Variants in SPEG observed in about 807,000 individuals in gnomAD.
SPEG encodes the protein striated muscle preferentially expressed protein kinase.
A neutral mutation model predicts 300.4 loss-of-function variants in SPEG; 114 were observed. That is an observed-to-expected ratio of 0.38 (90% CI 0.33 to 0.44). The LOEUF is 0.44. SPEG is among the 20% of genes least tolerant of loss of function. The pLI, the probability that SPEG is intolerant of heterozygous loss-of-function variation, is 1.00. For synonymous variants in SPEG, 1,964 were observed against 2,018.9 expected (o/e 0.97, Z 0.73); for missense variants, 4,201 against 4,586.2 (o/e 0.92, Z 2.43).
At position 219,451,893 on chromosome 2, in the gene SPEG, T is replaced by C; in HGVS notation, c.2440+86T>C. On this transcript the variant is annotated intron_variant, in intron 6 of 40. Coordinates refer to ENST00000312358, the MANE Select transcript of SPEG (RefSeq NM_005876.5). This position sits in a 1 kb window ranked among gnomAD's most constrained non-coding sequence, Gnocchi z 6.4. ...GGCCCCAGTCCACCTCCCTTCCCAC[T>C]CTCAGCCTTGAGCTTGGGCACCCCG... 1 of 1,356,814 alleles carries C rather than the reference T, an allele frequency of 7.4e-7. No individual in the cohort carries two copies. 84.0% of individuals were successfully genotyped at this position (1,356,814 alleles called of 1,614,324 possible). A position where few individuals can be genotyped will look rare whatever the true frequency, so the allele number is the denominator to read the frequency against.
intron 30 of SPEG, 131 bp downstream of exon 30, chr2:219,485,203 G>C (rs1347491686): frequency 6.8e-7 from 1 of 1,480,396 alleles, no homozygotes; most frequent in East Asian, 2.3e-5. Context: ...GGAATCAGCA[G>C]GGCTGGAGGG....
chr2:219,441,103 A>T (rs146695284), intron 1 of SPEG, among the ~76,000 whole-genome samples: 1 of 152,354 alleles, frequency 6.6e-6, no homozygotes, highest in East Asian at 1.9e-4. Context: ...AGTGCCTGGC[A>T]CTTAGTAACT....
In SPEG at chr2:219,480,812, A is replaced by C. The variant is rs1272393415; in HGVS notation, c.5369+115A>C. The C allele has an allele frequency of 2.0e-6, 2 of 1,001,906 alleles. No homozygotes were observed. The highest frequency in any genetic ancestry group is 3.2e-6 in the Non-Finnish European group (2 of 634,356). The allele number at this position is 1,001,906 out of a possible 1,614,324, so 62.1% of individuals were successfully genotyped here. A position where few individuals can be genotyped will look rare whatever the true frequency, so the allele number is the denominator to read the frequency against. ...ACCCCCCACTCCTTCTTGCACTGCA[A>C]GGAGCCTCATGTGCATGAAGGTGGA... On this transcript the variant is annotated intron_variant, in intron 26 of 40. Transcript: ENST00000312358. This position sits in a 1 kb window ranked among gnomAD's most constrained non-coding sequence, Gnocchi z 5.3.
chr2:219,481,500 C>T lies in SPEG; in HGVS notation c.5522+44C>T, dbSNP rs757286606. On this transcript the variant is annotated intron_variant, in intron 27 of 40. Transcript: ENST00000312358. The surrounding 1 kb of genome is among the most constrained non-coding windows in gnomAD (Gnocchi z 5.4). Reference sequence around the variant, plus strand: ...GAGCCCCCACCTGCAGGGTCACCCTCATACCACCTGCCTGCTACTCCCAAA... The same window carrying T: ...GAGCCCCCACCTGCAGGGTCACCCTTATACCACCTGCCTGCTACTCCCAAA... 2.7e-5 allele frequency: 43 copies of T among 1,610,192 alleles called. No homozygotes were observed. Among genetic ancestry groups the T allele is most frequent in the African/African-American group, 6.7e-5 (5 of 74,832 alleles).
chr2:219,461,729 T>C (rs1690713807), intron 6 of SPEG, 153 bp from the exon 7 acceptor site: 1 of 906,652 alleles, frequency 1.1e-6, no homozygotes, highest in Non-Finnish European at 1.7e-6. Flanking sequence ...GGGAAGAAGC[T>C]GGGCGAGGTC....
At position 219,488,529 on chromosome 2, in the gene SPEG, G is replaced by A. The variant is rs1693655290; in HGVS notation, c.7890G>A (p.Val2630=). The change falls in exon 33 of 41, where the codon GTG becomes GTA. Residue 2630 remains valine, a synonymous_variant. Coordinates refer to ENST00000312358, the MANE Select transcript of SPEG (RefSeq NM_005876.5). ...DKKSLRSEPS[V]IIVSCKDGRQ... ...AGTCCTTGAGGTCAGAGCCCTCAGT[G>A]ATCATCGTGTCCTGCAAAGATGGGC... is the stretch of plus-strand genomic sequence containing the variant. 2 of 1,598,678 alleles carry A rather than the reference G, an allele frequency of 1.3e-6. No homozygotes were observed. Among genetic ancestry groups the A allele is most frequent in the African/African-American group, 1.3e-5 (1 of 74,562 alleles).
chr2:219,441,614 G>T (rs1280045032), intron 1 of SPEG: 7 of 470,104 alleles, frequency 1.5e-5, no homozygotes, highest in Non-Finnish European at 3.1e-5. Flanking sequence ...GGAGGAGGCT[G>T]CGCTGGGCTG....
Position 219,473,177 on chromosome 2 carries a change from A to G in SPEG, c.4147+81A>G, listed in dbSNP as rs1314555103. The G allele has an allele frequency of 2.2e-6, 3 of 1,374,142 alleles. No homozygotes were observed. The highest frequency in any genetic ancestry group is 2.9e-5 in the African/African-American group (2 of 69,980). The allele number at this position is 1,374,142 out of a possible 1,614,324, so 85.1% of individuals were successfully genotyped here. The stretch of plus-strand genomic sequence containing the variant: ...GGGCCCTGTGGTGGAGGCTCAAGGG[A>G]TGGCCTGGACATGGTAACTGGCAGG... On this transcript the variant is annotated intron_variant, in intron 16 of 40. Transcript: ENST00000312358. The surrounding 1 kb of genome is among the most constrained non-coding windows in gnomAD (Gnocchi z 4.6).
In SPEG at chr2:219,489,118, G is replaced by T; in HGVS notation, c.8214G>T (p.Leu2738=). The part of the protein sequence containing the change: ...IPDCYYNVTH[L]PVGVTVRFRV... ...ACTGTTACTACAACGTGACCCACCTGCCAGTTGGCGTGACTGTGAGGTTCC... is the reference window on the plus strand; with the variant it reads ...ACTGTTACTACAACGTGACCCACCTTCCAGTTGGCGTGACTGTGAGGTTCC... Residue 2738 remains leucine, a synonymous_variant, in exon 35 of 41, where the codon CTG becomes CTT. Transcript: ENST00000312358. 6.2e-7 allele frequency: 1 copy of T among 1,613,984 alleles called. No individual in the cohort carries two copies. Among genetic ancestry groups the T allele is most frequent in the Non-Finnish European group, 8.5e-7 (1 of 1,179,964 alleles).
intron 1 of SPEG, chr2:219,442,098 G>A: frequency 3.4e-6 from 4 of 1,193,582 alleles, no homozygotes; most frequent in Non-Finnish European, 3.1e-6. Flanking sequence ...GGGCTCCGGG[G>A]GCGGGCGGCG....
chr2:219,453,942 CA>C (rs1689968856), intron 6 of SPEG, among the ~76,000 whole-genome samples: 1 of 152,118 alleles, frequency 6.6e-6, no homozygotes, highest in Admixed American at 6.5e-5. Flanking sequence ...GGGGTGGGGC[CA>C]GGGGAGGGAG....
rs1693798399 is a variant in SPEG at position 219,489,817 on chromosome 2, C to T, written c.8799C>T (p.Ser2933=). 1.4e-5 allele frequency: 22 copies of T among 1,613,562 alleles called. No individual in the cohort carries two copies. The highest frequency in any genetic ancestry group is 1.9e-5 in the Non-Finnish European group (22 of 1,179,900). The change falls in exon 36 of 41, where the codon AGC becomes AGT. Residue 2933 remains serine (S), a synonymous_variant. Coordinates refer to ENST00000312358, the MANE Select transcript of SPEG (RefSeq NM_005876.5). ...CCAAGGTGACTGTGCAGAGCCTCAGCCCGGCCAAGGAGGTGGTCAGCTCCC... is the reference window on the plus strand; with the variant it reads ...CCAAGGTGACTGTGCAGAGCCTCAGTCCGGCCAAGGAGGTGGTCAGCTCCC... ...EPTKVTVQSL[S]PAKEVVSSPG... is the part of the protein sequence containing the mutation.
At chr2:219,438,738 C>T (rs1954782406) in intron 1 of SPEG, among the ~76,000 whole-genome samples, 1 of 152,244 alleles carries the variant, frequency 6.6e-6, no homozygotes, top group South Asian at 2.1e-4. Flanking sequence ...GTTGGAGCTT[C>T]ATAGCTAGGG....
intron 38 of SPEG, among the ~76,000 whole-genome samples, chr2:219,491,413 A>G (rs181381171): frequency 4.6e-4 from 70 of 152,270 alleles, no homozygotes; most frequent in African/African-American, 1.6e-3. Context: ...TCCCATAGCT[A>G]GAAGGGGCAG....
rs1161515341 is a variant in SPEG, at chr2:219,483,916, C to A, written c.6453C>A (p.Ile2151=). 1 of 1,603,540 alleles carries A rather than the reference C, an allele frequency of 6.2e-7. No individual in the cohort carries two copies. The highest frequency in any genetic ancestry group is 8.5e-7 in the Non-Finnish European group (1 of 1,179,352). ...GCCGAGCGGGGGCGCCCCTCGAGAT[C>A]CCCGTGGCCAGGCTTGGGGCCCGTA... ...RHRRAGAPLE[I]PVARLGARRL... Residue 2151 remains isoleucine, a synonymous_variant, in exon 30 of 41, where the codon ATC becomes ATA. Transcript: ENST00000312358.
rs1694126769 is a variant in SPEG, at chr2:219,493,160, C to G, written c.*374C>G. On this transcript the variant is annotated 3_prime_UTR_variant, in exon 41 of 41. Transcript: ENST00000312358. Reference sequence around the variant, plus strand: ...GGAGAACCAAGGAAGGTGGGCATGGCTGGAGAGGAGGAAAAGGAAGGAGCC... The same window carrying G: ...GGAGAACCAAGGAAGGTGGGCATGGGTGGAGAGGAGGAAAAGGAAGGAGCC... 1 of 439,854 alleles carries G rather than the reference C, an allele frequency of 2.3e-6. No homozygotes were observed. The highest frequency in any genetic ancestry group is 4.3e-6 in the Non-Finnish European group (1 of 230,490). 27.2% of individuals were successfully genotyped at this position (439,854 alleles called of 1,614,324 possible).
At chr2:219,437,295 C>T (rs1174257027) in intron 1 of SPEG, 1 of 152,270 alleles carries the variant, frequency 6.6e-6, no homozygotes, top group East Asian at 1.9e-4. Flanking sequence ...TGGATGTCTC[C>T]TGGCCTGCCT....
chr2:219,465,904 T>C, intron 9 of SPEG: 5 of 666,202 alleles, frequency 7.5e-6, no homozygotes. Flanking sequence ...CGTATGGGTG[T>C]GTGCATGCGT....
Position 219,444,629 on chromosome 2 carries a change from C to A in SPEG, c.389-24C>A. On this transcript the variant is annotated intron_variant, in intron 1 of 40. Transcript: ENST00000312358. This position sits in a 1 kb window ranked among gnomAD's most constrained non-coding sequence, Gnocchi z 7.8. ...GGAGGCAGAGGGAGGAGGGCCCTGC[C>A]CACACAGACCCCTTCTTCTCCAGAC... 1 of 1,598,676 alleles carries A rather than the reference C, an allele frequency of 6.3e-7. No individual in the cohort carries two copies. Among genetic ancestry groups the A allele is most frequent in the Non-Finnish European group, 8.6e-7 (1 of 1,166,148 alleles).
Sources: allele counts gnomAD v4.1 joint callset (sites outside exome capture counted in the v4.1 genomes callset), GRCh38; gene constraint gnomAD v4.1.1; non-coding constraint Gnocchi (gnomAD v3.1); transcripts MANE v1.5; gene names NCBI Gene and HGNC (gene_info 2026-07-23, HGNC 2026-07-21).